The following AUTS2 variants were observed in gnomAD, a reference collection of about 807,000 sequenced individuals.
AUTS2 encodes autism susceptibility gene 2 protein.
AUTS2 carries 17 observed loss-of-function variants against 112.4 expected under a neutral mutation model. That is an observed-to-expected ratio of 0.15 (90% confidence interval 0.10 to 0.23). The LOEUF is 0.23. Among genes scored for constraint, AUTS2 ranks in the 10% least tolerant of loss-of-function variants. The probability of loss-of-function intolerance (pLI) is 1.00; values close to 1 mark genes in which losing one functional copy is unlikely to be tolerated. For synonymous variants in AUTS2, 751 were observed against 702.7 expected (o/e 1.07, Z -1.09); for missense variants, 1,510 against 1,701.6 (o/e 0.89, Z 1.98).
intron 4 of AUTS2, among the ~76,000 whole-genome samples, chr7:70,385,142 A>G (rs1793552062): frequency 6.6e-6 from 1 of 152,192 alleles, no homozygotes; most frequent in African/African-American, 2.4e-5. Flanking sequence ...AGACTCTCAC[A>G]AGATGCACCT....
chr7:69,927,186 T>TATATA (rs1796051377), intron 2 of AUTS2, among the ~76,000 whole-genome samples: 4 of 142,410 alleles, frequency 2.8e-5, no homozygotes, highest in Non-Finnish European at 4.6e-5. Context: ...TCCAATATAT[T>TATATA]TATATATATA....
chr7:70,645,988 A>G (rs1248357663), intron 5 of AUTS2, among the ~76,000 whole-genome samples: 1 of 152,106 alleles, frequency 6.6e-6, no homozygotes, highest in Non-Finnish European at 1.5e-5. Flanking sequence ...CGTCTAACCC[A>G]TTTCACACCA....
chr7:69,815,995 A>G (rs1290711804), intron 1 of AUTS2, among the ~76,000 whole-genome samples: 4 of 152,224 alleles, frequency 2.6e-5, no homozygotes, highest in Admixed American at 2.6e-4. Context: ...GACTGTCAGT[A>G]TGAATCTAGC....
chr7:69,778,209 A>G (rs974331668), intron 1 of AUTS2, among the ~76,000 whole-genome samples: 1 of 148,342 alleles, frequency 6.7e-6, no homozygotes, highest in Non-Finnish European at 1.5e-5. Flanking sequence ...TAAAATACAA[A>G]TCACAGGGCC....
At chr7:70,030,299 C>A (rs1800716430) in intron 2 of AUTS2, among the ~76,000 whole-genome samples, 1 of 152,212 alleles carries the variant, frequency 6.6e-6, no homozygotes, top group African/African-American at 2.4e-5. Flanking sequence ...TTGTCACCTA[C>A]TCTTCTGTTG....
chr7:70,075,925 T>G (rs1803005039), intron 2 of AUTS2, among the ~76,000 whole-genome samples: 2 of 152,312 alleles, frequency 1.3e-5, no homozygotes, highest in South Asian at 4.1e-4. Flanking sequence ...AGTAAATATT[T>G]TAGGTTTTTT....
chr7:69,745,028 CT>C, intron 1 of AUTS2, among the ~76,000 whole-genome samples: 1 of 152,296 alleles, frequency 6.6e-6, no homozygotes, highest in East Asian at 1.9e-4. Flanking sequence ...CGTGGACCCC[CT>C]GAGGCCTAGT....
At chr7:70,331,273 T>G (rs915188640) in intron 4 of AUTS2, among the ~76,000 whole-genome samples, 1 of 152,196 alleles carries the variant, frequency 6.6e-6, no homozygotes, top group Non-Finnish European at 1.5e-5. Context: ...TGGTTTAGTC[T>G]TAGGAGGGTG....
chr7:69,976,839 A>G (rs1798079678), intron 2 of AUTS2, among the ~76,000 whole-genome samples: 1 of 152,004 alleles, frequency 6.6e-6, no homozygotes, highest in South Asian at 2.1e-4. Flanking sequence ...TCTGGATTTT[A>G]ACCTTTTTTC....
At chr7:69,620,164 T>C (rs1793590162) in intron 1 of AUTS2, among the ~76,000 whole-genome samples, 1 of 152,220 alleles carries the variant, frequency 6.6e-6, no homozygotes, top group Non-Finnish European at 1.5e-5. Context: ...GAAATAAGGA[T>C]ACTTGATTTT....
At chr7:70,382,607 C>A (rs1793421158) in intron 4 of AUTS2, among the ~76,000 whole-genome samples, 2 of 152,290 alleles carry the variant, frequency 1.3e-5, no homozygotes, top group South Asian at 2.1e-4. Context: ...GCTCCTTTGG[C>A]AGGCCCTAGT....
chr7:70,288,721 G>A (rs1293828264), intron 4 of AUTS2, among the ~76,000 whole-genome samples: 1 of 152,096 alleles, frequency 6.6e-6, no homozygotes, highest in African/African-American at 2.4e-5. Context: ...TATAAATGAA[G>A]ACAAATGGAA....
At chr7:70,318,797 C>T (rs1451513063) in intron 4 of AUTS2, among the ~76,000 whole-genome samples, 1 of 152,162 alleles carries the variant, frequency 6.6e-6, no homozygotes, top group Non-Finnish European at 1.5e-5. Flanking sequence ...AGGTGCAGCC[C>T]CCACTTCTCA....
At chr7:70,774,163 C>T in intron 12 of AUTS2, 64 bp downstream of exon 12, 1 of 1,461,970 alleles carries the variant, frequency 6.8e-7, no homozygotes, top group South Asian at 1.1e-5. Context: ...ACGGGACGGC[C>T]AGCCCAGTGC....
chr7:70,545,609 C>G (rs1313326690), intron 5 of AUTS2, among the ~76,000 whole-genome samples: 1 of 152,196 alleles, frequency 6.6e-6, no homozygotes, highest in Non-Finnish European at 1.5e-5. Context: ...GGCATAGCCC[C>G]ACTGTGAATG....
At chr7:70,454,273 G>T (rs1324372830) in intron 5 of AUTS2, among the ~76,000 whole-genome samples, 1 of 152,114 alleles carries the variant, frequency 6.6e-6, no homozygotes, top group Non-Finnish European at 1.5e-5. Flanking sequence ...GGTGTCTCAC[G>T]CCTGTAATCC....
At chr7:70,380,688 G>A (rs1429682443) in intron 4 of AUTS2, among the ~76,000 whole-genome samples, 5 of 152,220 alleles carry the variant, frequency 3.3e-5, no homozygotes, top group Non-Finnish European at 7.3e-5. Context: ...GCGACCATGG[G>A]CTTTTTCAGA....
intron 17 of AUTS2, chr7:70,786,953 T>G: frequency 1.8e-6 from 1 of 562,246 alleles, no homozygotes; most frequent in South Asian, 2.0e-5. Flanking sequence ...ATTTGGTCCC[T>G]TTTCCTTTTT....
chr7:69,696,978 G>T (rs2129184183), intron 1 of AUTS2, among the ~76,000 whole-genome samples: 1 of 152,328 alleles, frequency 6.6e-6, no homozygotes, highest in Non-Finnish European at 1.5e-5. Context: ...ATCTTATTCA[G>T]TTGTCTCACT....
Sources: gnomAD v4.1 joint callset for allele counts (sites outside exome capture counted in the v4.1 genomes callset) on GRCh38, gnomAD v4.1.1 for gene constraint, MANE v1.5 for transcripts, NCBI Gene and HGNC (gene_info 2026-07-23, HGNC 2026-07-21) for gene names.